Variants in FBXO42 observed in about 807,000 individuals in gnomAD.
The protein encoded by FBXO42 is F-box protein 42.
In FBXO42, 12 loss-of-function variants were observed where a neutral mutation model predicts 71.7. That is an observed-to-expected ratio of 0.17 (90% CI 0.11 to 0.27). FBXO42 has a LOEUF of 0.27. Among genes scored for constraint, FBXO42 ranks in the 10% least tolerant of loss-of-function variants. FBXO42 has a pLI of 1.00. For synonymous variants in FBXO42, 325 were observed against 327.5 expected (o/e 0.99, Z 0.08); for missense variants, 707 against 911.9 (o/e 0.78, Z 2.89).
At chr1:16,319,605 A>G (rs1198271587) in intron 1 of FBXO42, among the ~76,000 whole-genome samples, 1 of 152,192 alleles carries the variant, frequency 6.6e-6, no homozygotes, top group East Asian at 1.9e-4. Context: ...GGGTTTCCTG[A>G]AAACTGTATT....
chr1:16,250,202 A>G lies in FBXO42; in HGVS notation c.*468T>C, dbSNP rs1205189158. On this transcript the variant is annotated 3_prime_UTR_variant, in exon 10 of 10. Transcript: ENST00000375592. This position sits in a 1 kb window ranked among gnomAD's most constrained non-coding sequence, Gnocchi z 4.7. ...GAAAAACAGTTACTTTTACCCCGAC[A>G]GCACCTGAAGCATGAGAGTCTAAAA... The G allele has an allele frequency of 6.6e-6, 1 of 152,332 alleles. No homozygotes were observed. The highest frequency in any genetic ancestry group is 2.4e-5 in the African/African-American group (1 of 41,472). The allele number at this position is 152,332 out of a possible 1,614,324, so 9.4% of individuals were successfully genotyped here. A position where few individuals can be genotyped will look rare whatever the true frequency, so the allele number is the denominator to read the frequency against.
chr1:16,339,074 T>C (rs941344888), intron 1 of FBXO42, among the ~76,000 whole-genome samples: 2 of 152,102 alleles, frequency 1.3e-5, no homozygotes, highest in Admixed American at 6.6e-5. Context: ...CCTACCAAAG[T>C]GCTGGGATTA....
chr1:16,267,982 C>A (rs931190784), intron 4 of FBXO42, among the ~76,000 whole-genome samples: 100 of 152,126 alleles, frequency 6.6e-4, no homozygotes, highest in African/African-American at 2.3e-3. Context: ...CAGCACTTAT[C>A]AGCTAAAAAT....
rs541397757 is a variant in FBXO42 at position 16,303,927 on chromosome 1, A to T, written c.367+1876T>A. Among the ~76,000 whole-genome samples, 75 of 151,278 alleles carry T rather than the reference A, an allele frequency of 5.0e-4. 1 individual carries two copies. The highest frequency in any genetic ancestry group is 3.4e-3 in the Middle Eastern group (1 of 294). The stretch of plus-strand genomic sequence containing the variant: ...TGCCCGGGTAATTTTTTATATATAT[A>T]TTTTTTTAAGAGACGGGGTTTCACC... On this transcript the variant is annotated intron_variant, in intron 3 of 9. Coordinates refer to ENST00000375592, the MANE Select transcript of FBXO42 (RefSeq NM_018994.3).
intron 1 of FBXO42, among the ~76,000 whole-genome samples, chr1:16,340,449 T>G (rs564701485): frequency 6.6e-6 from 1 of 151,806 alleles, no homozygotes; most frequent in African/African-American, 2.4e-5. Flanking sequence ...GCCTCCCGAG[T>G]AGCTGGAATT....
At chr1:16,302,855 CTA>C (rs2082209505) in intron 3 of FBXO42, among the ~76,000 whole-genome samples, 1 of 152,142 alleles carries the variant, frequency 6.6e-6, no homozygotes, top group Non-Finnish European at 1.5e-5. Context: ...AATTCTTTCA[CTA>C]TAACAAGAAC....
intron 4 of FBXO42, among the ~76,000 whole-genome samples, chr1:16,264,978 G>T (rs534800649): frequency 6.6e-6 from 1 of 152,186 alleles, no homozygotes; most frequent in Non-Finnish European, 1.5e-5. Flanking sequence ...CACAATTGTA[G>T]TGTCTATTTA....
chr1:16,304,567 G>A (rs2082230376), intron 3 of FBXO42, among the ~76,000 whole-genome samples: 1 of 152,144 alleles, frequency 6.6e-6, no homozygotes. Context: ...CAAAATCTTA[G>A]AAATACCCTC....
intron 3 of FBXO42, among the ~76,000 whole-genome samples, chr1:16,297,493 G>A (rs892212081): frequency 3.3e-5 from 5 of 152,100 alleles, no homozygotes; most frequent in African/African-American, 1.2e-4. Flanking sequence ...CAGATCTGAA[G>A]AAATAAAATA....
chr1:16,322,677 T>C (rs1456533206), intron 1 of FBXO42, among the ~76,000 whole-genome samples: 2 of 152,182 alleles, frequency 1.3e-5, no homozygotes, highest in Non-Finnish European at 1.5e-5. Flanking sequence ...TTCTGAGGTA[T>C]AAATTAAGGT....
In FBXO42 at chr1:16,251,049, C is replaced by T; in HGVS notation, c.1775G>A (p.Ser592Asn). Residue 592 changes from serine (S) to asparagine (N), a missense_variant, in exon 10 of 10, where the codon AGT becomes AAT. Around this residue, in one of 5 missense-constraint regions of FBXO42, gnomAD observed 482 missense variants for 587.1 expected, o/e 0.82. Coordinates refer to ENST00000375592, the MANE Select transcript of FBXO42 (RefSeq NM_018994.3). This position sits in a 1 kb window ranked among gnomAD's most constrained non-coding sequence, Gnocchi z 4.5. ...GGGCACTGTTTCTCCACTGCTCAAACTCTGGCTCCCAGGAGAGCCTGGAGA... is the reference window on the plus strand; with the variant it reads ...GGGCACTGTTTCTCCACTGCTCAAATTCTGGCTCCCAGGAGAGCCTGGAGA... ...GSSPGSPGSQ[S>N]LSSGETVPIP... is the part of the protein sequence containing the mutation. 1.2e-6 allele frequency: 2 copies of T among 1,614,224 alleles called. No homozygotes were observed. The highest frequency in any genetic ancestry group is 2.2e-5 in the East Asian group (1 of 44,868).
intron 1 of FBXO42, among the ~76,000 whole-genome samples, chr1:16,322,685 G>A (rs949947029): frequency 6.6e-6 from 1 of 152,136 alleles, no homozygotes; most frequent in African/African-American, 2.4e-5. Context: ...TATAAATTAA[G>A]GTTAAGATTT....
chr1:16,317,725 A>T (rs1264613771), intron 1 of FBXO42, among the ~76,000 whole-genome samples: 1 of 151,826 alleles, frequency 6.6e-6, no homozygotes, highest in Non-Finnish European at 1.5e-5. Flanking sequence ...GGAATTTGAG[A>T]CCAGCCTGGG....
At chr1:16,346,682 C>T (rs1378479130) in intron 1 of FBXO42, among the ~76,000 whole-genome samples, 9 of 145,598 alleles carry the variant, frequency 6.2e-5, no homozygotes, top group African/African-American at 1.5e-4. Context: ...AGCTAGACTC[C>T]GTCTCGGGGA....
chr1:16,261,161 A>G (rs938257809), intron 4 of FBXO42, among the ~76,000 whole-genome samples: 3 of 152,252 alleles, frequency 2.0e-5, no homozygotes, highest in African/African-American at 7.2e-5. Flanking sequence ...CGGTAAAGCC[A>G]AAGACCTAGT....
At chr1:16,307,118 C>T (rs1015657460) in intron 2 of FBXO42, among the ~76,000 whole-genome samples, 2 of 152,008 alleles carry the variant, frequency 1.3e-5, no homozygotes, top group Non-Finnish European at 2.9e-5. Context: ...TCTCGAACTC[C>T]CCACCTCAGG....
intron 2 of FBXO42, among the ~76,000 whole-genome samples, chr1:16,314,612 C>A (rs1345441202): frequency 6.6e-6 from 1 of 152,174 alleles, no homozygotes; most frequent in African/African-American, 2.4e-5. Flanking sequence ...TTCTATTTTG[C>A]CCATTCAAGA....
intron 1 of FBXO42, among the ~76,000 whole-genome samples, chr1:16,323,794 CAAAAAAAAAA>C (rs1158421632): frequency 6.3e-5 from 4 of 63,252 alleles, no homozygotes; most frequent in African/African-American, 2.8e-4. Context: ...GACTCTGTCT[CAAAAAAAAAA>C]AAAAAAAAAA....
At chr1:16,314,427 C>T (rs928138127) in intron 2 of FBXO42, among the ~76,000 whole-genome samples, 1 of 152,156 alleles carries the variant, frequency 6.6e-6, no homozygotes, top group Non-Finnish European at 1.5e-5. Flanking sequence ...AATCTTTAAT[C>T]CTGCATTTAC....
Sources: allele counts gnomAD v4.1 joint callset (sites outside exome capture counted in the v4.1 genomes callset), GRCh38; gene constraint gnomAD v4.1.1; regional missense constraint gnomAD v4.1.1; non-coding constraint Gnocchi (gnomAD v3.1); transcripts MANE v1.5; gene names NCBI Gene and HGNC (gene_info 2026-07-23, HGNC 2026-07-21).